TRPM7: variants seen among roughly 807,000 people sequenced by gnomAD.
The protein encoded by TRPM7 is transient receptor potential cation channel subfamily M member 7.
Under a neutral mutation model 229.7 loss-of-function variants are expected in TRPM7, and 134 were observed. The ratio of observed to expected loss-of-function variants is 0.58; its 90% confidence interval spans 0.51 to 0.67. The LOEUF (loss-of-function observed/expected upper bound fraction) is 0.67. Ranked by LOEUF, TRPM7 falls within the 30% of genes least tolerant of loss-of-function variation. The pLI is 0.00. For synonymous variants in TRPM7, 699 were observed against 715.2 expected (o/e 0.98, Z 0.36); for missense variants, 1,901 against 2,210.0 (o/e 0.86, Z 2.80).
At position 50,593,722 on chromosome 15, in the gene TRPM7, T is replaced by G; in HGVS notation, c.3503A>C (p.Lys1168Thr). ...PKLFLTEEDQ[K>T]KLHDFEEQCV... The stretch of plus-strand genomic sequence containing the variant: ...CTGCTCTTCAAAATCATGAAGTTTC[T>G]TTTGATCTTCTTCTGTTAAGAAAAG... Residue 1168 changes from lysine to threonine, a missense_variant, in exon 25 of 39, where the codon AAG (lysine) becomes ACG (threonine). Physicochemically the swap from Lys to Thr is moderately conservative, Grantham distance 78 (BLOSUM62 -1). Coordinates refer to ENST00000646667, the MANE Select transcript of TRPM7 (RefSeq NM_017672.6). 6.2e-7 allele frequency: 1 copy of G among 1,610,156 alleles called. No homozygotes were observed. The highest frequency in any genetic ancestry group is 1.1e-5 in the South Asian group (1 of 89,920).
chr15:50,671,018 C>T (rs1362474029), intron 1 of TRPM7, among the ~76,000 whole-genome samples: 1 of 152,076 alleles, frequency 6.6e-6, no homozygotes, highest in African/African-American at 2.4e-5. Context: ...ATGGCTAAAT[C>T]GAGCTAATTA....
At chr15:50,648,068 G>A (rs543460030) in intron 4 of TRPM7, among the ~76,000 whole-genome samples, 10 of 152,220 alleles carry the variant, frequency 6.6e-5, no homozygotes, top group African/African-American at 1.9e-4. Flanking sequence ...GAGCCACTGT[G>A]CCTGGCCTAT....
At chr15:50,590,086 G>C (rs1053379717) in intron 26 of TRPM7, among the ~76,000 whole-genome samples, 1 of 152,116 alleles carries the variant, frequency 6.6e-6, no homozygotes, top group African/African-American at 2.4e-5. Context: ...TTGAACTCCT[G>C]AACTCAAGAT....
intron 3 of TRPM7, among the ~76,000 whole-genome samples, chr15:50,652,321 T>C (rs1596309570): frequency 2.5e-5 from 2 of 81,518 alleles, no homozygotes; most frequent in African/African-American, 5.3e-5. Flanking sequence ...TGAGTGAGAC[T>C]CCATCTCAAA....
intron 12 of TRPM7, 117 bp downstream of exon 12, chr15:50,624,049 T>G: frequency 9.3e-7 from 1 of 1,072,344 alleles, no homozygotes; most frequent in Non-Finnish European, 1.3e-6. Flanking sequence ...CTATAATTTT[T>G]TCATATAACT....
At chr15:50,640,707 G>A (rs761394436) in intron 5 of TRPM7, among the ~76,000 whole-genome samples, 8 of 152,092 alleles carry the variant, frequency 5.3e-5, no homozygotes, top group Non-Finnish European at 7.3e-5. Context: ...TGTACTTGGA[G>A]GCAGGGCCTT....
intron 30 of TRPM7, among the ~76,000 whole-genome samples, chr15:50,579,265 C>T (rs867883750): frequency 3.3e-5 from 5 of 152,040 alleles, no homozygotes; most frequent in East Asian, 1.9e-4. Context: ...TAAAGGAAAA[C>T]GGGTTAGAGG....
chr15:50,680,296 T>A (rs1161897864), intron 1 of TRPM7, among the ~76,000 whole-genome samples: 2 of 151,898 alleles, frequency 1.3e-5, no homozygotes, highest in Non-Finnish European at 2.9e-5. Flanking sequence ...ATCCCAGTAC[T>A]TTAGGAGGCC....
intron 1 of TRPM7, among the ~76,000 whole-genome samples, chr15:50,678,520 AT>A (rs61508739): frequency 0.011 from 1,129 of 100,376 alleles, 18 homozygotes; most frequent in African/African-American, 0.037. Flanking sequence ...AAAAAAAAAT[AT>A]ATATATATAT....
rs1319426341 is a variant in TRPM7, at chr15:50,592,264, T to A, written c.3971A>T (p.Asp1324Val). The A allele has an allele frequency of 1.9e-6, 3 of 1,613,968 alleles. No individual in the cohort carries two copies. Among genetic ancestry groups the A allele is most frequent in the Non-Finnish European group, 1.7e-6 (2 of 1,179,972 alleles). ...TTGACCAAATATATTACACTGGGGA[T>A]CTTTGTCATCTTTCATTAAAATATT... The part of the protein sequence containing the change: ...HCNILMKDDK[D>V]PQCNIFGQDL... The change falls in exon 26 of 39, where the codon GAT becomes GTT. Residue 1324 changes from aspartate (D) to valine (V), a missense_variant. This residue lies in a region of TRPM7 where 533 missense variants were observed against 497.1 expected (regional missense o/e 1.07). Transcript: ENST00000646667.
At chr15:50,598,578 A>G (rs2059691811) in intron 22 of TRPM7, among the ~76,000 whole-genome samples, 1 of 152,224 alleles carries the variant, frequency 6.6e-6, no homozygotes, top group Non-Finnish European at 1.5e-5. Context: ...TACGCTAATC[A>G]TGGTAATCCC....
At position 50,647,055 on chromosome 15, in the gene TRPM7, AT is replaced by A. The variant is rs1464656192; in HGVS notation, c.321+1631del. Among the ~76,000 whole-genome samples the A allele has an allele frequency of 2.0e-5, 3 of 152,230 alleles. No homozygotes were observed. In the East Asian group the frequency reaches 5.8e-4, roughly 29 times the overall value. On this transcript the variant is annotated intron_variant, in intron 4 of 38. Transcript: ENST00000646667. ...TTGCCTAACACATCTCTGAGAACAT[AT>A]CCCCATTCTTAAGTGATGCATGACT...
intron 10 of TRPM7, among the ~76,000 whole-genome samples, 166 bp from the exon 11 acceptor site, chr15:50,628,415 C>T (rs1300585158): frequency 2.0e-5 from 3 of 151,814 alleles, no homozygotes; most frequent in African/African-American, 7.3e-5. Flanking sequence ...TCAAGTGTAC[C>T]TCCCGCCTTA....
At chr15:50,596,449 C>T (rs2059635448) in intron 22 of TRPM7, 68 bp from the exon 23 acceptor site, 1 of 1,164,106 alleles carries the variant, frequency 8.6e-7, no homozygotes, top group Non-Finnish European at 1.2e-6. Flanking sequence ...AACTGCTATT[C>T]ATGAGTGTTT....
rs8042919 is a variant in TRPM7, at chr15:50,586,433, G to T, written c.4445C>A (p.Thr1482Asn). The T allele has an allele frequency of 6.2e-7, 1 of 1,612,972 alleles. No homozygotes were observed. Among genetic ancestry groups the T allele is most frequent in the Non-Finnish European group, 8.5e-7 (1 of 1,179,090 alleles). Residue 1482 changes from threonine (T) to asparagine (N), a missense_variant, in exon 28 of 39, where the codon ACT becomes AAT. Around this residue, in one of 8 missense-constraint regions of TRPM7, gnomAD observed 533 missense variants for 497.1 expected, o/e 1.07. Coordinates refer to ENST00000646667, the MANE Select transcript of TRPM7 (RefSeq NM_017672.6). ...AGGAATGGAAGTTCTGTGACAGTCA[G>T]TAAATCCAGCAAGAGAACTCACTCG... is the stretch of plus-strand genomic sequence containing the variant. ...LKRVSSLAGF[T>N]DCHRTSIPVH...
At chr15:50,620,204 A>G (rs1287778314) in intron 12 of TRPM7, among the ~76,000 whole-genome samples, 4 of 152,200 alleles carry the variant, frequency 2.6e-5, no homozygotes, top group African/African-American at 4.8e-5. Context: ...AGCTTGTTCA[A>G]CCTGTAACCC....
intron 25 of TRPM7, among the ~76,000 whole-genome samples, 195 bp downstream of exon 25, chr15:50,593,422 T>TA (rs941397569): frequency 3.3e-5 from 5 of 151,936 alleles, no homozygotes; most frequent in Non-Finnish European, 5.9e-5. Flanking sequence ...GTAACTAGGG[T>TA]AAAAAAATAA....
intron 1 of TRPM7, among the ~76,000 whole-genome samples, chr15:50,663,661 T>C (rs2061795325): frequency 6.6e-6 from 1 of 152,186 alleles, no homozygotes; most frequent in Non-Finnish European, 1.5e-5. Flanking sequence ...TATTCTGGGA[T>C]ATGAGCCATT....
chr15:50,595,127 C>T (rs908206290), intron 23 of TRPM7, among the ~76,000 whole-genome samples: 2 of 151,902 alleles, frequency 1.3e-5, no homozygotes, highest in Non-Finnish European at 2.9e-5. Context: ...TACTTGAGCC[C>T]AGATGGAAGA....
Sources: gnomAD v4.1 joint callset for allele counts (sites outside exome capture counted in the v4.1 genomes callset) on GRCh38, gnomAD v4.1.1 for gene constraint, gnomAD v4.1.1 regional missense constraint, MANE v1.5 for transcripts, NCBI Gene and HGNC (gene_info 2026-07-23, HGNC 2026-07-21) for gene names.